The following IL2RB variants were observed in gnomAD, a reference collection of about 807,000 sequenced individuals.
IL2RB encodes the protein interleukin 2 receptor subunit beta.
A neutral mutation model predicts 44.2 loss-of-function variants in IL2RB; 17 were observed. The observed-to-expected ratio is 0.38, with a 90% confidence interval of 0.26 to 0.58. The LOEUF (loss-of-function observed/expected upper bound fraction) is 0.58. Among genes scored for constraint, IL2RB ranks in the 20% least tolerant of loss-of-function variants. The probability of loss-of-function intolerance (pLI) is 0.63; values close to 1 mark genes in which losing one functional copy is unlikely to be tolerated. For synonymous variants in IL2RB, 286 were observed against 297.9 expected, an observed-to-expected ratio of 0.96 and a Z score of 0.41; for missense variants, 624 against 685.5, an observed-to-expected ratio of 0.91 and a Z score of 1.00.
At chr22:37,138,985 G>A (rs538723754) in intron 5 of IL2RB, 132 bp downstream of exon 5, 41 of 625,506 alleles carry the variant, frequency 6.6e-5, no homozygotes, top group East Asian at 6.2e-4. Context: ...CGAGAACAGC[G>A]GGCGGTGAGG....
chr22:37,137,623 G>A lies in IL2RB; in HGVS notation c.501C>T (p.Phe167=), dbSNP rs904059541. Residue 167 remains phenylalanine, a synonymous_variant, in exon 6 of 10, where the codon TTC becomes TTT. Coordinates refer to ENST00000216223, the MANE Select transcript of IL2RB (RefSeq NM_000878.5). ...GGCCTGGGGACAGCGTCCGGGCCTCGAACTCCAGGTGTCTTTCAAAGTAGT... is the reference window on the plus strand; with the variant it reads ...GGCCTGGGGACAGCGTCCGGGCCTCAAACTCCAGGTGTCTTTCAAAGTAGT... ...ASHYFERHLE[F]EARTLSPGHT... 7.4e-6 allele frequency: 12 copies of A among 1,614,012 alleles called. No individual in the cohort carries two copies. The Middle Eastern group carries it at 4.9e-4, about 66-fold the overall frequency.
chr22:37,150,194 C>T (rs1317347844), upstream of IL2RB, among the ~76,000 whole-genome samples: 2 of 151,950 alleles, frequency 1.3e-5, no homozygotes, highest in African/African-American at 4.8e-5. Flanking sequence ...GGCCCTCCCT[C>T]TCTCCCCTCC....
rs756047497 is a variant in IL2RB at position 37,128,358 on chromosome 22, C to G, written c.1394G>C (p.Arg465Thr). 5 of 1,507,016 alleles carry G rather than the reference C, an allele frequency of 3.3e-6. No homozygotes were observed. Among genetic ancestry groups the G allele is most frequent in the Non-Finnish European group, 4.4e-6 (5 of 1,128,894 alleles). 93.4% of individuals were successfully genotyped at this position (1,507,016 alleles called of 1,614,324 possible). Residue 465 changes from arginine (R) to threonine (T), a missense_variant, in exon 10 of 10, where the codon AGA (arginine) becomes ACA (threonine). By Grantham distance (71) the Arg-to-Thr change is moderately conservative. This residue lies in a region of IL2RB where 291 missense variants were observed against 275.5 expected (regional missense o/e 1.06). Coordinates refer to ENST00000216223, the MANE Select transcript of IL2RB (RefSeq NM_000878.5). The surrounding 1 kb of genome is among the most constrained non-coding windows in gnomAD (Gnocchi z 4.5). ...MPPSLQERVP[R>T]DWDPQPLGPP... Reference sequence around the variant, plus strand: ...CCCCAGGGGCTGGGGGTCCCAGTCTCTGGGGACTCTTTCTTGCAAAGAAGG... The same window carrying G: ...CCCCAGGGGCTGGGGGTCCCAGTCTGTGGGGACTCTTTCTTGCAAAGAAGG...
intron 6 of IL2RB, among the ~76,000 whole-genome samples, chr22:37,137,073 ACTGC>A (rs1012606649): frequency 6.6e-6 from 1 of 152,112 alleles, no homozygotes; most frequent in Admixed American, 6.6e-5. Context: ...CTGCTGACTG[ACTGC>A]CTGCCTGCCC....
intron 3 of IL2RB, 194 bp from the exon 4 acceptor site, chr22:37,142,706 G>A: frequency 1.4e-6 from 1 of 713,890 alleles, no homozygotes; most frequent in East Asian, 2.7e-5. Flanking sequence ...TGGGCACCTT[G>A]TCCTGCTCCC....
At chr22:37,146,009 GA>G (rs1489520295) in intron 1 of IL2RB, among the ~76,000 whole-genome samples, 2 of 152,114 alleles carry the variant, frequency 1.3e-5, no homozygotes, top group African/African-American at 4.8e-5. Context: ...CCTCACAGGG[GA>G]TGCTCCTGGA....
upstream of IL2RB, among the ~76,000 whole-genome samples, chr22:37,152,929 C>CTTTTTTTT (rs67046193): frequency 3.8e-4 from 33 of 86,988 alleles, no homozygotes; most frequent in African/African-American, 9.6e-4. Context: ...GCTGTGGCCT[C>CTTTTTTTT]TTTTTTTTTT....
At chr22:37,130,026 G>GAC (rs148228085) in intron 9 of IL2RB, among the ~76,000 whole-genome samples, 6,445 of 152,108 alleles carry the variant, frequency 0.042, 491 homozygotes, top group African/African-American at 0.15. Context: ...CTGCTCCGCA[G>GAC]ACACACACAC....
At chr22:37,144,243 C>T (rs563391088) in intron 1 of IL2RB, 38 bp from the exon 2 acceptor site, 2 of 1,511,254 alleles carry the variant, frequency 1.3e-6, no homozygotes. Context: ...CACGTAAATA[C>T]ACATCCCAGG....
intron 9 of IL2RB, among the ~76,000 whole-genome samples, chr22:37,129,442 C>T (rs2146225150): frequency 6.6e-6 from 1 of 152,158 alleles, no homozygotes; most frequent in East Asian, 1.9e-4. Context: ...CCCCCAGTTC[C>T]CTGCAGTCCC....
At position 37,170,073 on chromosome 22, in the gene IL2RB, G is replaced by A. The variant is rs1419784324; in HGVS notation, c.-34+4885C>T. Reference sequence around the variant, plus strand: ...ATGGGGGAGAAGGAAGGAAGGATGGGGGAGAAGGAAGGAAGAATGGATGGA... The same window carrying A: ...ATGGGGGAGAAGGAAGGAAGGATGGAGGAGAAGGAAGGAAGAATGGATGGA... On this transcript the variant is annotated intron_variant, in intron 1 of 5. Transcript: ENST00000429622. 0.017 allele frequency among the ~76,000 whole-genome samples: 57 copies of A among 3,348 alleles called. No individual in the cohort carries two copies. In the South Asian group the frequency reaches 0.25, roughly 15 times the overall value. The allele number at this position is 3,348 out of a possible 152,430, so 2.2% of individuals were successfully genotyped here. A position where few individuals can be genotyped will look rare whatever the true frequency, so the allele number is the denominator to read the frequency against.
At chr22:37,163,124 G>A (rs1361469270) in intron 1 of IL2RB, among the ~76,000 whole-genome samples, 1 of 152,172 alleles carries the variant, frequency 6.6e-6, no homozygotes, top group Non-Finnish European at 1.5e-5. Flanking sequence ...ACAGGCTGTA[G>A]CTAACCTGAG....
intron 1 of IL2RB, among the ~76,000 whole-genome samples, chr22:37,157,469 C>T (rs947723821): frequency 1.3e-5 from 2 of 152,230 alleles, no homozygotes; most frequent in African/African-American, 4.8e-5. Context: ...CCAGCACCAG[C>T]GCCCTGAGCA....
At chr22:37,131,548 C>T (rs1431537264) in intron 9 of IL2RB, among the ~76,000 whole-genome samples, 2 of 152,172 alleles carry the variant, frequency 1.3e-5, no homozygotes, top group East Asian at 1.9e-4. Flanking sequence ...AAAAATGAAT[C>T]GGTGTTTTGT....
intron 4 of IL2RB, among the ~76,000 whole-genome samples, chr22:37,140,764 T>A (rs1036691459): frequency 2.6e-5 from 4 of 152,202 alleles, no homozygotes; most frequent in African/African-American, 9.7e-5. Flanking sequence ...TACACTCATA[T>A]GGACATGGCC....
upstream of IL2RB, among the ~76,000 whole-genome samples, chr22:37,152,929 CTTTTTTT>C (rs67046193): frequency 6.9e-5 from 6 of 86,986 alleles, no homozygotes; most frequent in African/African-American, 1.4e-4. Flanking sequence ...GCTGTGGCCT[CTTTTTTT>C]TTTTTTTTTT....
In IL2RB at chr22:37,141,720, G is replaced by T. The variant is rs539925362; in HGVS notation, c.282+714C>A. On this transcript the variant is annotated intron_variant, in intron 4 of 9. Coordinates refer to ENST00000216223, the MANE Select transcript of IL2RB (RefSeq NM_000878.5). This position sits in a 1 kb window ranked among gnomAD's most constrained non-coding sequence, Gnocchi z 4.4. Reference sequence around the variant, plus strand: ...CGCTCGAGGCAGCACTGACTCACTGGCCCCAGCTGCCTCGGCCCCCTCTGG... The same window carrying T: ...CGCTCGAGGCAGCACTGACTCACTGTCCCCAGCTGCCTCGGCCCCCTCTGG... 6.6e-6 allele frequency among the ~76,000 whole-genome samples: 1 copy of T among 152,310 alleles called. No homozygotes were observed. The highest frequency in any genetic ancestry group is 2.1e-4 in the South Asian group (1 of 4,830).
chr22:37,172,504 G>A (rs1403584173), intron 1 of IL2RB, among the ~76,000 whole-genome samples: 1 of 152,180 alleles, frequency 6.6e-6, no homozygotes, highest in African/African-American at 2.4e-5. Flanking sequence ...TGAGCCCAAG[G>A]GTGGGGTAAG....
At chr22:37,164,102 G>C (rs1355413138) in intron 1 of IL2RB, among the ~76,000 whole-genome samples, 1 of 152,234 alleles carries the variant, frequency 6.6e-6, no homozygotes, top group African/African-American at 2.4e-5. Flanking sequence ...CGTGAGGAGA[G>C]GCGGCCTGCA....
Sources: gnomAD v4.1 joint callset for allele counts (sites outside exome capture counted in the v4.1 genomes callset) on GRCh38, gnomAD v4.1.1 for gene constraint, gnomAD v4.1.1 regional missense constraint, Gnocchi (gnomAD v3.1) non-coding constraint, MANE v1.5 for transcripts, NCBI Gene and HGNC (gene_info 2026-07-23, HGNC 2026-07-21) for gene names.